Variants in SORCS1 observed in about 807,000 individuals in gnomAD.
SORCS1 encodes VPS10 domain-containing receptor SorCS1.
SORCS1 carries 60 observed loss-of-function variants against 146.1 expected under a neutral mutation model. The observed-to-expected ratio is 0.41, with a 90% CI of 0.33 to 0.51. The LOEUF (loss-of-function observed/expected upper bound fraction) is 0.51, where lower values mean the gene tolerates loss of function less well. Ranked by LOEUF, SORCS1 falls within the 20% of genes least tolerant of loss-of-function variation. SORCS1 has a pLI of 0.21. For missense variants in SORCS1, 1,352 were observed against 1,487.6 expected (o/e 0.91, Z 1.50); for synonymous variants, 637 against 584.0 (o/e 1.09, Z -1.31).
intron 2 of SORCS1, among the ~76,000 whole-genome samples, chr10:106,858,405 G>A (rs530619702): frequency 2.0e-5 from 3 of 152,090 alleles, no homozygotes; most frequent in East Asian, 3.9e-4. Context: ...GGATCACGAG[G>A]TCAGGAGATT....
At chr10:106,715,880 G>A (rs908791813) in intron 6 of SORCS1, among the ~76,000 whole-genome samples, 1 of 152,056 alleles carries the variant, frequency 6.6e-6, no homozygotes, top group African/African-American at 2.4e-5. Flanking sequence ...AGCCTCCCGA[G>A]TAGCTGGGAC....
chr10:106,892,889 A>G (rs1475670949), intron 2 of SORCS1, among the ~76,000 whole-genome samples: 3 of 137,080 alleles, frequency 2.2e-5, no homozygotes, highest in Non-Finnish European at 4.7e-5. Flanking sequence ...AGGCATTTGG[A>G]AAGCCCTTTT....
At chr10:106,728,198 A>T (rs534727419) in intron 6 of SORCS1, among the ~76,000 whole-genome samples, 81 of 152,062 alleles carry the variant, frequency 5.3e-4, no homozygotes, top group Non-Finnish European at 9.7e-4. Flanking sequence ...CACTCAGCTA[A>T]TTTTTGTATT....
chr10:106,803,626 T>C (rs933327680), intron 3 of SORCS1, among the ~76,000 whole-genome samples: 1 of 152,206 alleles, frequency 6.6e-6, no homozygotes, highest in Non-Finnish European at 1.5e-5. Context: ...GTTATCTCAA[T>C]GATACATTTT....
intron 1 of SORCS1, among the ~76,000 whole-genome samples, chr10:107,149,867 C>A (rs186774213): frequency 6.6e-6 from 1 of 152,296 alleles, no homozygotes; most frequent in African/African-American, 2.4e-5. Context: ...CAACCCAAGA[C>A]CCAAGATATG....
At chr10:106,641,489 C>G (rs1849066578) in intron 18 of SORCS1, among the ~76,000 whole-genome samples, 1 of 152,122 alleles carries the variant, frequency 6.6e-6, no homozygotes, top group African/African-American at 2.4e-5. Context: ...GACATGCATT[C>G]TAATGCATGT....
chr10:106,875,031 T>C (rs1461027945), intron 2 of SORCS1, among the ~76,000 whole-genome samples: 2 of 152,136 alleles, frequency 1.3e-5, no homozygotes, highest in Non-Finnish European at 2.9e-5. Flanking sequence ...TATATAGCGG[T>C]GAATTCTGAG....
chr10:106,722,463 A>G (rs1402553115), intron 6 of SORCS1, among the ~76,000 whole-genome samples: 4 of 152,162 alleles, frequency 2.6e-5, no homozygotes, highest in African/African-American at 9.7e-5. Context: ...ATAGTTATAT[A>G]AAGTTGTGAG....
intron 2 of SORCS1, 70 bp downstream of exon 2, chr10:106,956,443 G>C: frequency 7.1e-7 from 1 of 1,402,548 alleles, no homozygotes; most frequent in Non-Finnish European, 1.0e-6. Context: ...AGGAAAAAGT[G>C]GGTGGGACAG....
intron 24 of SORCS1, among the ~76,000 whole-genome samples, chr10:106,583,153 T>C (rs74457275): frequency 0.015 from 2,344 of 152,326 alleles, 65 homozygotes; most frequent in African/African-American, 0.051. Context: ...AGTACTGTCA[T>C]AGTATTTGGG....
rs1249562479 is a variant in SORCS1 at position 106,651,748 on chromosome 10, G to A, written c.2475+634C>T. 2.6e-5 allele frequency among the ~76,000 whole-genome samples: 4 copies of A among 152,192 alleles called. No individual in the cohort carries two copies. The East Asian group carries it at 7.7e-4, about 29-fold the overall frequency. ...AGACCATCTTCCCCATTTACAAGATGACAGAATTCCTGTGTATGTTCTAAA... is the reference window on the plus strand; with the variant it reads ...AGACCATCTTCCCCATTTACAAGATAACAGAATTCCTGTGTATGTTCTAAA... On this transcript the variant is annotated intron_variant, in intron 18 of 25. Transcript: ENST00000263054.
intron 22 of SORCS1, among the ~76,000 whole-genome samples, chr10:106,608,569 A>G (rs1846761241): frequency 6.6e-6 from 1 of 152,118 alleles, no homozygotes; most frequent in Non-Finnish European, 1.5e-5. Context: ...ATATTATTTG[A>G]TGTGACCTCC....
At chr10:107,084,679 T>C (rs1963629901) in intron 1 of SORCS1, among the ~76,000 whole-genome samples, 1 of 151,982 alleles carries the variant, frequency 6.6e-6, no homozygotes, top group African/African-American at 2.4e-5. Context: ...AATCCACACT[T>C]TGACTTCTCC....
At chr10:107,010,273 A>C (rs1277968794) in intron 1 of SORCS1, among the ~76,000 whole-genome samples, 3 of 152,206 alleles carry the variant, frequency 2.0e-5, no homozygotes, top group Admixed American at 6.5e-5. Flanking sequence ...TTTCATTTAT[A>C]AAATTGGTTC....
At chr10:106,745,206 G>T (rs1484802185) in intron 5 of SORCS1, among the ~76,000 whole-genome samples, 3 of 152,070 alleles carry the variant, frequency 2.0e-5, no homozygotes, top group African/African-American at 4.8e-5. Context: ...GAGGTCAGGA[G>T]ATCAAGACCA....
intron 1 of SORCS1, among the ~76,000 whole-genome samples, chr10:107,028,464 A>C (rs1223969692): frequency 6.6e-6 from 1 of 152,194 alleles, no homozygotes; most frequent in Non-Finnish European, 1.5e-5. Context: ...GGTAATCTAG[A>C]CCACATGCAA....
chr10:107,143,563 G>T (rs1275313661), intron 1 of SORCS1, among the ~76,000 whole-genome samples: 1 of 152,058 alleles, frequency 6.6e-6, no homozygotes, highest in Non-Finnish European at 1.5e-5. Context: ...GAGTGTAGTG[G>T]CTAGATCTCT....
At chr10:107,084,095 T>TG (rs1316246349) in intron 1 of SORCS1, among the ~76,000 whole-genome samples, 27,022 of 137,464 alleles carry the variant, frequency 0.2, 3,354 homozygotes, top group African/African-American at 0.3. Flanking sequence ...GTTTTTTGTT[T>TG]TTTTTTTTTT....
At chr10:107,177,787 A>G in the SORCS1 span, among the ~76,000 whole-genome samples, 1 of 152,228 alleles carries the variant, frequency 6.6e-6, no homozygotes, top group African/African-American at 2.4e-5. Flanking sequence ...TTTGCAGCAG[A>G]TGGTACATAT....
Sources: allele counts gnomAD v4.1 joint callset (sites outside exome capture counted in the v4.1 genomes callset), GRCh38; gene constraint gnomAD v4.1.1; transcripts MANE v1.5; gene names NCBI Gene and HGNC (gene_info 2026-07-23, HGNC 2026-07-21).